Variants in SIPA1L3 observed in about 807,000 individuals in gnomAD.
The protein encoded by SIPA1L3 is signal induced proliferation associated 1 like 3.
SIPA1L3 carries 59 observed loss-of-function variants against 150.1 expected under a neutral mutation model. The ratio of observed to expected loss-of-function variants is 0.39; its 90% CI spans 0.32 to 0.49. SIPA1L3 has a LOEUF of 0.49. SIPA1L3 is among the 20% of genes least tolerant of loss of function. The pLI is 0.86. For missense variants in SIPA1L3, 2,211 were observed against 2,489.5 expected (o/e 0.89, Z 2.38); for synonymous variants, 1,070 against 1,077.6 (o/e 0.99, Z 0.14).
At chr19:38,145,167 T>C (rs2145947495) in intron 12 of SIPA1L3, among the ~76,000 whole-genome samples, 1 of 152,230 alleles carries the variant, frequency 6.6e-6, no homozygotes, top group East Asian at 1.9e-4. Context: ...TCCTAAAGTC[T>C]TGGTATCTGC....
At chr19:38,159,233 G>A (rs1311543922) in intron 13 of SIPA1L3, among the ~76,000 whole-genome samples, 1 of 152,226 alleles carries the variant, frequency 6.6e-6, no homozygotes, top group Non-Finnish European at 1.5e-5. Context: ...ATTCTCTGCA[G>A]TGGCCCTGAG....
chr19:37,957,228 G>T (rs1157322184), intron 1 of SIPA1L3, among the ~76,000 whole-genome samples: 1 of 152,180 alleles, frequency 6.6e-6, no homozygotes, highest in African/African-American at 2.4e-5. Flanking sequence ...TCCTCACCTT[G>T]TTTTGTTTTC....
chr19:37,980,171 A>G (rs1266025057), intron 1 of SIPA1L3, among the ~76,000 whole-genome samples: 1 of 152,184 alleles, frequency 6.6e-6, no homozygotes, highest in Non-Finnish European at 1.5e-5. Context: ...ATATGCTTCA[A>G]AATCAATTCT....
intron 16 of SIPA1L3, among the ~76,000 whole-genome samples, chr19:38,186,661 C>G (rs2146033171): frequency 6.7e-6 from 1 of 150,206 alleles, no homozygotes; most frequent in South Asian, 2.2e-4. Flanking sequence ...GGCCCCTTTT[C>G]ATATGTATTT....
intron 2 of SIPA1L3, among the ~76,000 whole-genome samples, chr19:38,050,254 G>A (rs977748703): frequency 6.6e-6 from 1 of 151,894 alleles, no homozygotes; most frequent in Admixed American, 6.6e-5. Context: ...TCGTGAGTTC[G>A]AGACCAGCCT....
chr19:37,967,284 GCT>G (rs2046912697), intron 1 of SIPA1L3, among the ~76,000 whole-genome samples: 1 of 145,932 alleles, frequency 6.9e-6, no homozygotes, highest in South Asian at 2.3e-4. Context: ...ATGGAGTCTT[GCT>G]CTGTCGCCCA....
chr19:38,023,497 G>T (rs1968426082), intron 1 of SIPA1L3, among the ~76,000 whole-genome samples: 1 of 152,182 alleles, frequency 6.6e-6, no homozygotes, highest in African/African-American at 2.4e-5. Context: ...GCTTTTCTTT[G>T]TTGGGATGTA....
Position 38,182,534 on chromosome 19 carries a change from G to T in SIPA1L3, c.4224G>T (p.Arg1408Ser). The change falls in exon 16 of 22, where the codon AGG (arginine) becomes AGT (serine). Residue 1408 changes from arginine to serine, a missense_variant. Physicochemically the swap from Arg to Ser is moderately radical, Grantham distance 110. Around this residue, in one of 5 missense-constraint regions of SIPA1L3, gnomAD observed 806 missense variants for 870.1 expected, o/e 0.93. Coordinates refer to ENST00000222345, the MANE Select transcript of SIPA1L3 (RefSeq NM_015073.3). ...PPRQPSDMGS[R>S]VGYPAQVYKT... is the part of the protein sequence containing the mutation. ...TGCTTTGCAGTGACATGGGCTCGAG[G>T]GTTGGCTACCCCGCTCAGGTTTACA... 2 of 1,609,350 alleles carry T rather than the reference G, an allele frequency of 1.2e-6. No individual in the cohort carries two copies. Among genetic ancestry groups the T allele is most frequent in the South Asian group, 1.1e-5 (1 of 90,382 alleles).
rs150883614 is a variant in SIPA1L3 at position 38,164,518 on chromosome 19, C to T, written c.3820C>T (p.Leu1274Phe). 1 of 1,613,556 alleles carries T rather than the reference C, an allele frequency of 6.2e-7. No homozygotes were observed. Among genetic ancestry groups the T allele is most frequent in the Admixed American group, 1.7e-5 (1 of 60,002 alleles). Residue 1274 changes from leucine (L) to phenylalanine (F), a missense_variant, in exon 15 of 22, where the codon CTC becomes TTC. Leu to Phe is a conservative substitution (Grantham distance 22). Around this residue, in one of 5 missense-constraint regions of SIPA1L3, gnomAD observed 806 missense variants for 870.1 expected, o/e 0.93. Transcript: ENST00000222345. The surrounding 1 kb of genome is among the most constrained non-coding windows in gnomAD (Gnocchi z 4.1). ...CTCAAGTCATTCCAGCAGCAACACC[C>T]TCTCCAGCAACGCATCCAGCAGCCA... is the stretch of plus-strand genomic sequence containing the variant. ...QYSSHSSSNT[L>F]SSNASSSHSD...
chr19:37,991,420 A>T (rs992852220), intron 1 of SIPA1L3, among the ~76,000 whole-genome samples: 2 of 152,256 alleles, frequency 1.3e-5, no homozygotes, highest in Non-Finnish European at 2.9e-5. Flanking sequence ...CCCTGCCAGC[A>T]TGGAAAGGAG....
intron 1 of SIPA1L3, among the ~76,000 whole-genome samples, chr19:38,021,341 C>A (rs1968369042): frequency 6.6e-6 from 1 of 152,160 alleles, no homozygotes. Flanking sequence ...CAGGTCAACA[C>A]CAGCACTGCT....
chr19:38,053,055 G>A (rs1226404012), intron 2 of SIPA1L3, among the ~76,000 whole-genome samples: 2 of 152,242 alleles, frequency 1.3e-5, no homozygotes, highest in Non-Finnish European at 2.9e-5. Flanking sequence ...GGCATTGAGC[G>A]GGCAGCTCTG....
chr19:37,964,253 A>C (rs894784348), intron 1 of SIPA1L3: 1 of 152,128 alleles, frequency 6.6e-6, no homozygotes. Context: ...AAATTTTTTT[A>C]AAAATTAGGC....
At position 38,042,777 on chromosome 19, in the gene SIPA1L3, T is replaced by C. The variant is rs561768379; in HGVS notation, c.-311+13621T>C. On this transcript the variant is annotated intron_variant, in intron 2 of 21. Transcript: ENST00000222345. ...ATAGCTAGCTCAGTAGTGTTTGACC[T>C]TCCTGCGTGAGCTGTAACTAGTTCT... 2.0e-5 allele frequency among the ~76,000 whole-genome samples: 3 copies of C among 152,366 alleles called. No individual in the cohort carries two copies. The South Asian group carries it at 6.2e-4, about 32-fold the overall frequency.
intron 15 of SIPA1L3, among the ~76,000 whole-genome samples, chr19:38,167,143 G>T (rs1012500227): frequency 1.4e-5 from 2 of 145,560 alleles, no homozygotes; most frequent in Non-Finnish European, 3.0e-5. Context: ...TGAGGCAGGA[G>T]AATCGCTTGA....
intron 12 of SIPA1L3, among the ~76,000 whole-genome samples, chr19:38,152,633 C>G (rs71354972): frequency 1.8e-4 from 28 of 151,574 alleles, no homozygotes. Context: ...TGGCAGGCTT[C>G]CCAGGCGAGA....
chr19:38,156,487 G>T (rs942369159), intron 13 of SIPA1L3, among the ~76,000 whole-genome samples: 17 of 149,714 alleles, frequency 1.1e-4, no homozygotes, highest in Non-Finnish European at 2.4e-4. Context: ...AATTGCCGCC[G>T]CCATACACAC....
Position 38,164,562 on chromosome 19 carries a change from C to CGACCCCCTG in SIPA1L3, c.3876_3884dup (p.Asp1292_Leu1294dup). 6.2e-7 allele frequency: 1 copy of CGACCCCCTG among 1,614,094 alleles called. No homozygotes were observed. ...GCAGCCACAGCGACGACCGCTGGTT[C>CGACCCCCTG]GACCCCCTGGACCCCCTGGAGCCAG... On this transcript the variant is annotated inframe_insertion, in exon 15 of 22. Transcript: ENST00000222345. This position sits in a 1 kb window ranked among gnomAD's most constrained non-coding sequence, Gnocchi z 4.1.
At chr19:37,921,625 A>G (rs1310568629) in intron 1 of SIPA1L3, among the ~76,000 whole-genome samples, 3 of 148,708 alleles carry the variant, frequency 2.0e-5, no homozygotes, top group African/African-American at 7.4e-5. Context: ...TTTTGAGACA[A>G]GGTCTTGCTC....
Sources: allele counts gnomAD v4.1 joint callset (sites outside exome capture counted in the v4.1 genomes callset), GRCh38; gene constraint gnomAD v4.1.1; regional missense constraint gnomAD v4.1.1; non-coding constraint Gnocchi (gnomAD v3.1); transcripts MANE v1.5; gene names NCBI Gene and HGNC (gene_info 2026-07-23, HGNC 2026-07-21).